Variants in PCDH10 observed in about 807,000 individuals in gnomAD.
The protein encoded by PCDH10 is protocadherin 10.
PCDH10 carries 15 observed loss-of-function variants against 74.4 expected under a neutral mutation model. The observed-to-expected ratio is 0.20, with a 90% CI of 0.13 to 0.31. The LOEUF is 0.31. PCDH10 is among the 10% of genes least tolerant of loss of function. PCDH10 has a pLI of 1.00. For missense variants in PCDH10, 1,260 were observed against 1,390.2 expected (o/e 0.91, Z 1.49); for synonymous variants, 619 against 589.8 (o/e 1.05, Z -0.72).
At chr4:133,185,597 T>G (rs1408535785) in intron 4 of PCDH10, among the ~76,000 whole-genome samples, 1 of 152,148 alleles carries the variant, frequency 6.6e-6, no homozygotes, top group Non-Finnish European at 1.5e-5. Flanking sequence ...TTCAACTTCT[T>G]GTACGCTAGA....
intron 2 of PCDH10, among the ~76,000 whole-genome samples, chr4:133,203,046 AC>A: frequency 6.6e-6 from 1 of 152,114 alleles, no homozygotes; most frequent in Non-Finnish European, 1.5e-5. Flanking sequence ...TGATTTCATG[AC>A]CCAAGACATA....
chr4:133,189,984 C>A (rs1027500558), intron 4 of PCDH10, among the ~76,000 whole-genome samples, 157 bp from the exon 5 acceptor site: 2 of 152,066 alleles, frequency 1.3e-5, no homozygotes, highest in Non-Finnish European at 2.9e-5. Flanking sequence ...AACAGAATGG[C>A]TGTGACTACT....
intron 4 of PCDH10, among the ~76,000 whole-genome samples, chr4:133,166,752 G>GT (rs745740285): frequency 2.0e-5 from 3 of 151,546 alleles, no homozygotes; most frequent in East Asian, 1.9e-4. Flanking sequence ...TAATAAAGGC[G>GT]TAAGTATGTG....
intron 3 of PCDH10, among the ~76,000 whole-genome samples, chr4:133,160,338 A>G (rs1726941727): frequency 6.6e-6 from 1 of 151,738 alleles, no homozygotes; most frequent in Admixed American, 6.6e-5. Context: ...TAAGAACATT[A>G]TTTACATGTT....
chr4:133,196,872 AC>A (rs1727805848), downstream of PCDH10, among the ~76,000 whole-genome samples: 1 of 152,172 alleles, frequency 6.6e-6, no homozygotes, highest in Non-Finnish European at 1.5e-5. Context: ...ATGTTATTAA[AC>A]TTTTTTCAAC....
At chr4:133,172,151 T>G (rs942422066) in intron 4 of PCDH10, among the ~76,000 whole-genome samples, 2 of 152,030 alleles carry the variant, frequency 1.3e-5, no homozygotes, top group Non-Finnish European at 2.9e-5. Context: ...ATCCAAACAC[T>G]GATACAACTG....
At chr4:133,180,457 A>G (rs148366431) in intron 4 of PCDH10, among the ~76,000 whole-genome samples, 2 of 151,966 alleles carry the variant, frequency 1.3e-5, no homozygotes, top group African/African-American at 4.8e-5. Flanking sequence ...GTTTTATGGC[A>G]TTGTAGTAAT....
In PCDH10 at chr4:133,151,102, G is replaced by A; in HGVS notation, c.962G>A (p.Ser321Asn). 2 of 1,614,120 alleles carry A rather than the reference G, an allele frequency of 1.2e-6. No homozygotes were observed. Among genetic ancestry groups the A allele is most frequent in the Non-Finnish European group, 1.7e-6 (2 of 1,180,022 alleles). Residue 321 changes from serine to asparagine, a missense_variant, in exon 1 of 5, where the codon AGC becomes AAC. Ser to Asn is a conservative substitution (Grantham distance 46). This residue lies in a region of PCDH10 where 192 missense variants were observed against 161.2 expected (regional missense o/e 1.19). Transcript: ENST00000264360. Reference protein sequence around the residue: ...EVSGELDYEESPVYQVYVQAK... With the variant: ...EVSGELDYEENPVYQVYVQAK... ...AGCGGCGAGTTGGACTATGAAGAGA[G>A]CCCAGTGTACCAAGTGTACGTGCAA...
chr4:133,170,483 T>C (rs958960416), intron 4 of PCDH10, among the ~76,000 whole-genome samples: 4 of 152,182 alleles, frequency 2.6e-5, no homozygotes, highest in African/African-American at 9.6e-5. Context: ...TACACTCACA[T>C]ACATTTACAT....
intron 4 of PCDH10, among the ~76,000 whole-genome samples, chr4:133,170,403 C>T (rs1176268922): frequency 6.6e-6 from 1 of 151,986 alleles, no homozygotes; most frequent in Non-Finnish European, 1.5e-5. Flanking sequence ...TCAATGATAA[C>T]TTTAAGTCAT....
downstream of PCDH10, chr4:133,194,748 G>A (rs1379030971): frequency 6.6e-6 from 1 of 151,730 alleles, no homozygotes; most frequent in African/African-American, 2.4e-5. Context: ...AGGTCTAAGG[G>A]GACATCTGTT....
intron 4 of PCDH10, among the ~76,000 whole-genome samples, chr4:133,176,250 T>C (rs1727293297): frequency 6.6e-6 from 1 of 152,132 alleles, no homozygotes; most frequent in Admixed American, 6.6e-5. Flanking sequence ...GCACGAGTTA[T>C]GGGATCAGTC....
chr4:133,184,521 T>C (rs181639667), intron 4 of PCDH10, among the ~76,000 whole-genome samples: 468 of 151,340 alleles, frequency 3.1e-3, no homozygotes, highest in African/African-American at 0.01. Flanking sequence ...TACTTGGTAG[T>C]CTGAGACAGA....
Position 133,154,375 on chromosome 4 carries a change from C to T in PCDH10, c.2690+10C>T. 1 of 1,558,490 alleles carries T rather than the reference C, an allele frequency of 6.4e-7. No homozygotes were observed. ...CTCGCCGAGTTAACAGGTATGGACTCTTTTTTTCCCTAGCAGTAATGGACA... is the reference window on the plus strand; with the variant it reads ...CTCGCCGAGTTAACAGGTATGGACTTTTTTTTTCCCTAGCAGTAATGGACA... On this transcript the variant is annotated intron_variant, in intron 2 of 4. Transcript: ENST00000264360.
exon 3 of PCDH10, chr4:133,208,099 G>A (rs1728082895): frequency 6.6e-6 from 1 of 152,142 alleles, no homozygotes; most frequent in Non-Finnish European, 1.5e-5. Context: ...GCAGCTATGT[G>A]GAGAGACACA....
At chr4:133,189,962 A>G (rs1051399397) in intron 4 of PCDH10, among the ~76,000 whole-genome samples, 179 bp from the exon 5 acceptor site, 1 of 152,118 alleles carries the variant, frequency 6.6e-6, no homozygotes, top group African/African-American at 2.4e-5. Context: ...TATCATTCTC[A>G]GAAAACCAAA....
intron 3 of PCDH10, among the ~76,000 whole-genome samples, chr4:133,155,608 A>C: frequency 6.6e-6 from 1 of 152,204 alleles, no homozygotes; most frequent in East Asian, 1.9e-4. Flanking sequence ...AATATGTGAT[A>C]ATGTGTATTT....
At chr4:133,163,692 G>C (rs1010115414) in intron 4 of PCDH10, among the ~76,000 whole-genome samples, 1 of 152,064 alleles carries the variant, frequency 6.6e-6, no homozygotes, top group African/African-American at 2.4e-5. Flanking sequence ...GTTTGATAAA[G>C]ATAAAACTCA....
chr4:133,168,643 C>G (rs1000495331), intron 4 of PCDH10, among the ~76,000 whole-genome samples: 3 of 151,590 alleles, frequency 2.0e-5, no homozygotes, highest in Non-Finnish European at 4.4e-5. Flanking sequence ...AAAATCTGCT[C>G]CAGCTCTACT....
Sources: allele counts gnomAD v4.1 joint callset (sites outside exome capture counted in the v4.1 genomes callset), GRCh38; gene constraint gnomAD v4.1.1; regional missense constraint gnomAD v4.1.1; transcripts MANE v1.5; gene names NCBI Gene and HGNC (gene_info 2026-07-23, HGNC 2026-07-21).